The following ZNF804B variants were observed in gnomAD, a reference collection of about 807,000 sequenced individuals.
The protein encoded by ZNF804B is zinc finger protein 804B.
ZNF804B carries 80 observed loss-of-function variants against 101.4 expected under a neutral mutation model. The ratio of observed to expected loss-of-function variants is 0.79; its 90% CI spans 0.66 to 0.95. ZNF804B has a LOEUF of 0.95. Among genes scored for constraint, ZNF804B ranks in the 40% least tolerant of loss-of-function variants. The pLI is 0.00. For synonymous variants in ZNF804B, 622 were observed against 558.8 expected (o/e 1.11, Z -1.59); for missense variants, 1,673 against 1,561.9 (o/e 1.07, Z -1.20).
Position 88,777,063 on chromosome 7 carries a change from A to G in ZNF804B, c.108+16979A>G, listed in dbSNP as rs541181866. 7.9e-5 allele frequency among the ~76,000 whole-genome samples: 12 copies of G among 152,214 alleles called. No homozygotes were observed. The South Asian group carries it at 2.5e-3, about 32-fold the overall frequency. On this transcript the variant is annotated intron_variant, in intron 1 of 3. Transcript: ENST00000333190. ...ATAAGCAGTATTATGTGGACCTTAC[A>G]AGCATGTACCTGGGAGTGCTGCAGC...
chr7:89,062,887 A>G (rs1023767529), intron 1 of ZNF804B, among the ~76,000 whole-genome samples: 2 of 152,172 alleles, frequency 1.3e-5, no homozygotes, highest in African/African-American at 4.8e-5. Flanking sequence ...TTACATTATC[A>G]GAAGAAACTT....
intron 1 of ZNF804B, among the ~76,000 whole-genome samples, chr7:88,845,596 T>C (rs1050284072): frequency 6.6e-6 from 1 of 152,096 alleles, no homozygotes; most frequent in African/African-American, 2.4e-5. Flanking sequence ...TTTTTTTCTC[T>C]TGCTACTGTT....
intron 2 of ZNF804B, among the ~76,000 whole-genome samples, chr7:89,269,906 G>T (rs910209755): frequency 6.6e-6 from 1 of 152,008 alleles, no homozygotes; most frequent in African/African-American, 2.4e-5. Flanking sequence ...CTTTTTGATG[G>T]GGTTGTTTGT....
chr7:88,926,943 C>CGGGTGGGGGGGGGGGGG (rs1554346832), intron 1 of ZNF804B, among the ~76,000 whole-genome samples: 4 of 144,338 alleles, frequency 2.8e-5, no homozygotes, highest in Non-Finnish European at 6.0e-5. Flanking sequence ...TGGTGGGGAG[C>CGGGTGGGGGGGGGGGGG]GGGGGGAAAG....
chr7:88,819,034 C>G (rs962707720), intron 1 of ZNF804B, among the ~76,000 whole-genome samples: 1 of 152,158 alleles, frequency 6.6e-6, no homozygotes, highest in African/African-American at 2.4e-5. Flanking sequence ...TTTAAATAAA[C>G]AGCAGCAGGA....
intron 1 of ZNF804B, among the ~76,000 whole-genome samples, chr7:88,892,869 A>T (rs1366829844): frequency 1.3e-5 from 2 of 152,162 alleles, no homozygotes; most frequent in African/African-American, 2.4e-5. Flanking sequence ...ATTTTGAATT[A>T]TATTGGTATT....
At chr7:89,114,272 A>G (rs964321825) in intron 1 of ZNF804B, among the ~76,000 whole-genome samples, 2 of 152,206 alleles carry the variant, frequency 1.3e-5, no homozygotes, top group African/African-American at 4.8e-5. Context: ...CTTACTTCCA[A>G]TATGTTTTAC....
chr7:89,113,354 CTAAAA>C (rs1254339377), intron 1 of ZNF804B, among the ~76,000 whole-genome samples: 3 of 151,630 alleles, frequency 2.0e-5, no homozygotes, highest in African/African-American at 7.3e-5. Context: ...AAACCTGAAC[CTAAAA>C]TAAAAGTCAT....
intron 1 of ZNF804B, among the ~76,000 whole-genome samples, chr7:89,201,462 C>G (rs1282296306): frequency 6.6e-6 from 1 of 151,882 alleles, no homozygotes; most frequent in African/African-American, 2.4e-5. Flanking sequence ...GAAATATTAC[C>G]TATTAGATAT....
At chr7:89,170,824 C>G (rs1208251457) in intron 1 of ZNF804B, among the ~76,000 whole-genome samples, 2 of 152,210 alleles carry the variant, frequency 1.3e-5, no homozygotes, top group African/African-American at 4.8e-5. Context: ...TGCCAATGGG[C>G]TTTCCCAAGT....
intron 1 of ZNF804B, among the ~76,000 whole-genome samples, chr7:88,984,793 T>C (rs1205001241): frequency 1.3e-5 from 2 of 152,072 alleles, no homozygotes; most frequent in Admixed American, 6.6e-5. Context: ...ATTAAATCAC[T>C]TAGAAAACCA....
intron 1 of ZNF804B, among the ~76,000 whole-genome samples, chr7:88,787,142 C>T (rs984861139): frequency 3.9e-5 from 6 of 152,010 alleles, no homozygotes; most frequent in Admixed American, 6.6e-5. Context: ...TGTTAGAGAA[C>T]AAAGTGTGAG....
intron 1 of ZNF804B, among the ~76,000 whole-genome samples, chr7:88,995,691 G>C (rs1332424120): frequency 1.3e-5 from 2 of 152,138 alleles, no homozygotes; most frequent in South Asian, 4.1e-4. Flanking sequence ...TCCAAAGAGT[G>C]CTGTATGGAA....
intron 1 of ZNF804B, among the ~76,000 whole-genome samples, chr7:89,014,166 A>T (rs1584072860): frequency 6.6e-6 from 1 of 152,026 alleles, no homozygotes; most frequent in Admixed American, 6.6e-5. Flanking sequence ...TTACATTCCC[A>T]CCCACAGTGT....
At chr7:89,236,209 A>G (rs1789276761) in intron 2 of ZNF804B, among the ~76,000 whole-genome samples, 1 of 152,158 alleles carries the variant, frequency 6.6e-6, no homozygotes, top group Admixed American at 6.5e-5. Context: ...AAACTGAAGT[A>G]AGACATGTCT....
intron 1 of ZNF804B, among the ~76,000 whole-genome samples, chr7:88,897,689 C>T (rs76434287): frequency 2.0e-5 from 3 of 152,122 alleles, no homozygotes; most frequent in Non-Finnish European, 4.4e-5. Context: ...CTTCTCTTCT[C>T]TGTTGAGTGG....
intron 1 of ZNF804B, among the ~76,000 whole-genome samples, chr7:88,946,044 A>G (rs916470263): frequency 6.6e-6 from 1 of 152,092 alleles, no homozygotes; most frequent in Non-Finnish European, 1.5e-5. Context: ...AACAGAGACT[A>G]TTTGACTTCC....
intron 1 of ZNF804B, among the ~76,000 whole-genome samples, chr7:89,190,485 GA>G (rs1788440491): frequency 6.6e-6 from 1 of 152,112 alleles, no homozygotes; most frequent in South Asian, 2.1e-4. Context: ...TGCCTGAAAT[GA>G]ATCTACTTCT....
At position 89,199,501 on chromosome 7, in the gene ZNF804B, A is replaced by C. The variant is rs537548681; in HGVS notation, c.109-18654A>C. On this transcript the variant is annotated intron_variant, in intron 1 of 3. Coordinates refer to ENST00000333190, the MANE Select transcript of ZNF804B (RefSeq NM_181646.5). Reference sequence around the variant, plus strand: ...GAAATATAAGGCTTTTACTATACTAAGTATTTACTTGAATTGTTTCTATAA... The same window carrying C: ...GAAATATAAGGCTTTTACTATACTACGTATTTACTTGAATTGTTTCTATAA... 2.6e-5 allele frequency among the ~76,000 whole-genome samples: 4 copies of C among 151,950 alleles called. No individual in the cohort carries two copies. The Admixed American group carries it at 2.6e-4, about 10-fold the overall frequency.
Sources: gnomAD v4.1 joint callset for allele counts (sites outside exome capture counted in the v4.1 genomes callset) on GRCh38, gnomAD v4.1.1 for gene constraint, MANE v1.5 for transcripts, NCBI Gene and HGNC (gene_info 2026-07-23, HGNC 2026-07-21) for gene names.